Variants in EPHA4 observed in about 807,000 individuals in gnomAD.
EPHA4 encodes EPH receptor A4.
EPHA4 carries 19 observed loss-of-function variants against 108.3 expected under a neutral mutation model. The observed-to-expected ratio is 0.18, with a 90% CI of 0.12 to 0.26. The LOEUF is 0.26. Ranked by LOEUF, EPHA4 falls within the 10% of genes least tolerant of loss-of-function variation. EPHA4 has a pLI of 1.00. For synonymous variants in EPHA4, 449 were observed against 455.5 expected (o/e 0.99, Z 0.18); for missense variants, 917 against 1,254.0 (o/e 0.73, Z 4.06).
chr2:221,487,001 G>A (rs1220898857), intron 4 of EPHA4, among the ~76,000 whole-genome samples: 1 of 152,036 alleles, frequency 6.6e-6, no homozygotes. Flanking sequence ...CTGTGAAGTA[G>A]TAACTCAGTG....
intron 4 of EPHA4, among the ~76,000 whole-genome samples, chr2:221,493,374 C>G (rs1692206726): frequency 6.6e-6 from 1 of 151,938 alleles, no homozygotes; most frequent in Non-Finnish European, 1.5e-5. Flanking sequence ...GAGAATTGAA[C>G]AGAATAACAG....
At chr2:221,424,250 A>G (rs892837216) in intron 17 of EPHA4, among the ~76,000 whole-genome samples, 3 of 152,102 alleles carry the variant, frequency 2.0e-5, no homozygotes, top group Admixed American at 6.5e-5. Context: ...TGATAAAACA[A>G]AAATTGTTGG....
intron 3 of EPHA4, among the ~76,000 whole-genome samples, chr2:221,520,303 T>A (rs528687206): frequency 1.9e-4 from 29 of 152,102 alleles, no homozygotes; most frequent in Non-Finnish European, 3.4e-4. Flanking sequence ...ATAATGAAAT[T>A]TTATCTTCTC....
At chr2:221,478,449 G>T (rs148072826) in intron 5 of EPHA4, among the ~76,000 whole-genome samples, 1 of 152,082 alleles carries the variant, frequency 6.6e-6, no homozygotes, top group Admixed American at 6.6e-5. Context: ...CAAAACAGTC[G>T]CTACAGGATG....
chr2:221,431,510 G>C (rs552762007), intron 14 of EPHA4, among the ~76,000 whole-genome samples: 1 of 152,304 alleles, frequency 6.6e-6, no homozygotes, highest in African/African-American at 2.4e-5. Flanking sequence ...CCAATATCAT[G>C]TATCAGTATC....
At chr2:221,520,888 G>C (rs934811322) in intron 3 of EPHA4, among the ~76,000 whole-genome samples, 5 of 152,120 alleles carry the variant, frequency 3.3e-5, no homozygotes, top group Non-Finnish European at 5.9e-5. Flanking sequence ...AAAAAGTATA[G>C]AATGACAAAA....
intron 3 of EPHA4, among the ~76,000 whole-genome samples, chr2:221,544,875 G>GA (rs1693943165): frequency 6.6e-6 from 1 of 152,054 alleles, no homozygotes; most frequent in African/African-American, 2.4e-5. Flanking sequence ...CTACCCTAAA[G>GA]AAAAAAGACC....
At chr2:221,547,235 T>C (rs1264720967) in intron 3 of EPHA4, among the ~76,000 whole-genome samples, 1 of 152,244 alleles carries the variant, frequency 6.6e-6, no homozygotes, top group Non-Finnish European at 1.5e-5. Flanking sequence ...TCTACCTGAA[T>C]CAGCTAAAAA....
chr2:221,443,033 A>T lies in EPHA4; in HGVS notation c.1889-19T>A. Reference sequence around the variant, plus strand: ...AATTCACCTTTGAGAGAGAAAAAGAATCTACGATGGACCAGAAACACATTC... The same window carrying T: ...AATTCACCTTTGAGAGAGAAAAAGATTCTACGATGGACCAGAAACACATTC... On this transcript the variant is annotated intron_variant, in intron 10 of 17. Transcript: ENST00000281821. 1 of 1,608,912 alleles carries T rather than the reference A, an allele frequency of 6.2e-7. No homozygotes were observed. The highest frequency in any genetic ancestry group is 1.1e-5 in the South Asian group (1 of 90,544).
intron 11 of EPHA4, chr2:221,437,360 T>C (rs1440845030): frequency 2.5e-6 from 1 of 398,986 alleles, no homozygotes; most frequent in East Asian, 3.8e-5. Context: ...ACAAGGTCTT[T>C]AACTAAAGTG....
intron 5 of EPHA4, among the ~76,000 whole-genome samples, chr2:221,460,122 T>C (rs1042706042): frequency 6.6e-6 from 1 of 152,154 alleles, no homozygotes; most frequent in Admixed American, 6.6e-5. Context: ...AGCAGGGAGT[T>C]AGCAATATAA....
rs1005572716 is a variant in EPHA4, at chr2:221,456,893, A to G, written c.1444-121T>C. 1.3e-5 allele frequency: 13 copies of G among 1,017,708 alleles called. No individual in the cohort carries two copies. The East Asian group carries it at 3.2e-4, about 25-fold the overall frequency. The allele number at this position is 1,017,708 out of a possible 1,614,324, so 63.0% of individuals were successfully genotyped here. ...AGAAACTGAAAGTAAATGGAGATGA[A>G]TAAACTCTCTGGAGCCTGTATTCTC... On this transcript the variant is annotated intron_variant, in intron 6 of 17. Transcript: ENST00000281821.
chr2:221,423,931 C>T (rs1034456533), intron 17 of EPHA4, among the ~76,000 whole-genome samples: 2 of 151,940 alleles, frequency 1.3e-5, no homozygotes, highest in Non-Finnish European at 2.9e-5. Flanking sequence ...GCCTGGTCAA[C>T]ATGGTGAAAC....
At position 221,426,509 on chromosome 2, in the gene EPHA4, G is replaced by C. The variant is rs150029140; in HGVS notation, c.2801C>G (p.Ala934Gly). 3 of 1,613,888 alleles carry C rather than the reference G, an allele frequency of 1.9e-6. No homozygotes were observed. The African/African-American group carries it at 4.0e-5, about 22-fold the overall frequency. The stretch of plus-strand genomic sequence containing the variant: ...AGCCTCTAGTGTGGTATAACCAGCA[G>C]CTGTGAAGTTATCCTTATACCGGTC... ...KMDRYKDNFT[A>G]AGYTTLEAVV... The change falls in exon 16 of 18, where the codon GCT becomes GGT. Residue 934 changes from alanine (A) to glycine (G), a missense_variant. This residue lies in a region of EPHA4 where 133 missense variants were observed against 132.8 expected (regional missense o/e 1.00). Transcript: ENST00000281821.
Position 221,418,137 on chromosome 2 carries a change from G to A in EPHA4, c.*3235C>T, listed in dbSNP as rs1255952020. The A allele has an allele frequency of 1.3e-5, 2 of 152,672 alleles. No individual in the cohort carries two copies. Among genetic ancestry groups the A allele is most frequent in the African/African-American group, 4.8e-5 (2 of 41,542 alleles). 9.5% of individuals were successfully genotyped at this position (152,672 alleles called of 1,614,324 possible). ...TAGGTATAAAAGACCATAAATAAATGACATAAGTTATGTGTACCTAAAGTT... is the reference window on the plus strand; with the variant it reads ...TAGGTATAAAAGACCATAAATAAATAACATAAGTTATGTGTACCTAAAGTT... On this transcript the variant is annotated 3_prime_UTR_variant, in exon 18 of 18. Transcript: ENST00000281821.
At position 221,501,175 on chromosome 2, in the gene EPHA4, G is replaced by A; in HGVS notation, c.824-3C>T. The A allele has an allele frequency of 6.4e-7, 1 of 1,571,016 alleles. No individual in the cohort carries two copies. The highest frequency in any genetic ancestry group is 8.6e-7 in the Non-Finnish European group (1 of 1,161,668). ...CTTGTAATATCCAATTTTGCAAGCTGCAGGGAAGAAGAAAAAAACAAACAA... is the reference window on the plus strand; with the variant it reads ...CTTGTAATATCCAATTTTGCAAGCTACAGGGAAGAAGAAAAAAACAAACAA... On this transcript the variant is annotated splice_region_variant and splice_polypyrimidine_tract_variant and intron_variant, in intron 3 of 17. Transcript: ENST00000281821.
intron 17 of EPHA4, among the ~76,000 whole-genome samples, chr2:221,421,147 A>G (rs1039160641): frequency 6.6e-6 from 1 of 152,078 alleles, no homozygotes; most frequent in South Asian, 2.1e-4. Flanking sequence ...AATACAAAAA[A>G]TTAGCCAGGC....
rs1439178675 is a variant in EPHA4 at position 221,444,732 on chromosome 2, CTT to C, written c.1775-1128_1775-1127del. ...GAGTCTTGTTATTCCCAGTCCCTCT[CTT>C]TTTTTCTATCTTTTTTTTTTTTTTT... On this transcript the variant is annotated intron_variant, in intron 9 of 17. Coordinates refer to ENST00000281821, the MANE Select transcript of EPHA4 (RefSeq NM_004438.5). Among the ~76,000 whole-genome samples the C allele has an allele frequency of 4.3e-5, 5 of 115,420 alleles. No homozygotes were observed. In the Admixed American group the frequency reaches 4.5e-4, roughly 10 times the overall value. 75.7% of individuals were successfully genotyped at this position (115,420 alleles called of 152,430 possible). A position where few individuals can be genotyped will look rare whatever the true frequency, so the allele number is the denominator to read the frequency against.
chr2:221,495,353 G>C (rs1027676404), intron 4 of EPHA4, among the ~76,000 whole-genome samples: 3 of 152,186 alleles, frequency 2.0e-5, no homozygotes, highest in Non-Finnish European at 4.4e-5. Context: ...ACAGCCGTGG[G>C]GCTGGGAATC....
Sources: allele counts gnomAD v4.1 joint callset (sites outside exome capture counted in the v4.1 genomes callset), GRCh38; gene constraint gnomAD v4.1.1; regional missense constraint gnomAD v4.1.1; transcripts MANE v1.5; gene names NCBI Gene and HGNC (gene_info 2026-07-23, HGNC 2026-07-21).